Variants in METTL6 observed in about 807,000 individuals in gnomAD.
METTL6 encodes the protein tRNA N(3)-cytidine methyltransferase METTL6.
Under a neutral mutation model 26.4 loss-of-function variants are expected in METTL6, and 22 were observed. That is an observed-to-expected ratio of 0.83 (90% CI 0.59 to 1.19). The LOEUF (loss-of-function observed/expected upper bound fraction) is 1.19. Ranked by LOEUF, METTL6 falls within the 50% of genes most tolerant of loss-of-function variation. The pLI is 0.00. For synonymous variants in METTL6, 109 were observed against 116.2 expected (o/e 0.94, Z 0.40); for missense variants, 304 against 324.8 (o/e 0.94, Z 0.49).
At chr3:15,399,865 T>G (rs1290442521) in intron 6 of METTL6, among the ~76,000 whole-genome samples, 1 of 151,984 alleles carries the variant, frequency 6.6e-6, no homozygotes, top group Non-Finnish European at 1.5e-5. Context: ...CAAAATATAC[T>G]TTGGCATATT....
chr3:15,427,609 C>T (rs957479601), upstream of METTL6: 10 of 633,212 alleles, frequency 1.6e-5, no homozygotes, highest in Non-Finnish European at 2.8e-5. Flanking sequence ...TCTCTCACCC[C>T]CACGCAGAGG....
At chr3:15,420,763 T>G (rs879587420) in intron 3 of METTL6, among the ~76,000 whole-genome samples, 1 of 152,226 alleles carries the variant, frequency 6.6e-6, no homozygotes, top group African/African-American at 2.4e-5. Flanking sequence ...GTACATTTTG[T>G]GTTCAAATTC....
chr3:15,414,895 C>A, intron 4 of METTL6: 1 of 1,037,164 alleles, frequency 9.6e-7, no homozygotes, highest in Non-Finnish European at 1.3e-6. Context: ...GCACTCCAGC[C>A]TGAGTGACAC....
chr3:15,414,948 C>T, intron 4 of METTL6: 1 of 1,132,608 alleles, frequency 8.8e-7, no homozygotes, highest in South Asian at 1.8e-5. Context: ...GTGTTAGAGA[C>T]AATAAATGAA....
At position 15,424,986 on chromosome 3, in the gene METTL6, T is replaced by A. The variant is rs991000419; in HGVS notation, c.329A>T (p.Asp110Val). 14 of 1,613,880 alleles carry A rather than the reference T, an allele frequency of 8.7e-6. No individual in the cohort carries two copies. The highest frequency in any genetic ancestry group is 1.2e-5 in the Non-Finnish European group (14 of 1,179,996). ...EDPNIFAYAC[D>V]FSPRAIEYVK... ...ATATTCAATGGCTCTTGGAGAAAAA[T>A]CACAGGCATAGGCAAAGATATTCGG... Residue 110 changes from aspartate (D) to valine (V), a missense_variant, in exon 3 of 6, where the codon GAT becomes GTT. Physicochemically the swap from Asp to Val is radical, Grantham distance 152. Coordinates refer to ENST00000383790, the MANE Select transcript of METTL6 (RefSeq NM_152396.4).
chr3:15,418,609 C>T (rs1236536560), intron 3 of METTL6, among the ~76,000 whole-genome samples: 6 of 152,066 alleles, frequency 3.9e-5, no homozygotes, highest in Non-Finnish European at 7.4e-5. Context: ...GAAGAGAGAA[C>T]AAGAGCTAAA....
At chr3:15,413,530 C>T (rs749534968) in intron 5 of METTL6, 11 of 692,172 alleles carry the variant, frequency 1.6e-5, no homozygotes, top group Non-Finnish European at 2.1e-5. Context: ...CAAGATCACA[C>T]CACTGCACTC....
At chr3:15,400,760 GAAC>G (rs1021743741) in intron 6 of METTL6, among the ~76,000 whole-genome samples, 5 of 152,158 alleles carry the variant, frequency 3.3e-5, no homozygotes, top group African/African-American at 1.2e-4. Flanking sequence ...AGCTATAATT[GAAC>G]AACCCTGAAA....
chr3:15,425,075 CT>C lies in METTL6; in HGVS notation c.239del (p.Lys80SerfsTer2), dbSNP rs2061687977. 6.2e-7 allele frequency: 1 copy of C among 1,613,976 alleles called. No homozygotes were observed. The highest frequency in any genetic ancestry group is 1.1e-5 in the South Asian group (1 of 91,086). On this transcript the variant is annotated frameshift_variant, in exon 3 of 6. Coordinates refer to ENST00000383790, the MANE Select transcript of METTL6 (RefSeq NM_152396.4). LOFTEE classifies it high-confidence loss of function. ...LRSCREFEDQ[K>X]LTMLEAGCGV... Reference sequence around the variant, plus strand: ...CACAGCCAGCTTCAAGCATTGTTAACTTTTGATCTTCAAACTGGGGAAAGAC... The same window carrying C: ...CACAGCCAGCTTCAAGCATTGTTAACTTTGATCTTCAAACTGGGGAAAGAC...
intron 3 of METTL6, among the ~76,000 whole-genome samples, chr3:15,416,662 G>A (rs993380199): frequency 6.6e-6 from 1 of 152,116 alleles, no homozygotes; most frequent in African/African-American, 2.4e-5. Context: ...TTCTTCTGGG[G>A]TATATTTTCT....
At chr3:15,398,895 G>A (rs978784067) in intron 6 of METTL6, among the ~76,000 whole-genome samples, 1 of 152,100 alleles carries the variant, frequency 6.6e-6, no homozygotes, top group African/African-American at 2.4e-5. Context: ...TTCCCAGGAG[G>A]TTAGGTATTC....
chr3:15,390,511 C>T (rs1325807362), intron 6 of METTL6, among the ~76,000 whole-genome samples: 1 of 152,158 alleles, frequency 6.6e-6, no homozygotes, highest in Non-Finnish European at 1.5e-5. Flanking sequence ...CCTTGACCTC[C>T]TTGCAGTACT....
intron 6 of METTL6, among the ~76,000 whole-genome samples, chr3:15,386,996 C>T (rs1699218411): frequency 6.6e-6 from 1 of 152,018 alleles, no homozygotes; most frequent in African/African-American, 2.4e-5. Flanking sequence ...GTGGTTCTCA[C>T]CATGTTGCCC....
intron 6 of METTL6, among the ~76,000 whole-genome samples, chr3:15,397,823 T>C (rs960964777): frequency 1.3e-5 from 2 of 152,146 alleles, no homozygotes; most frequent in African/African-American, 4.8e-5. Context: ...TCATAAGATA[T>C]GCAACTTCCC....
chr3:15,401,295 T>A (rs1164318801), intron 6 of METTL6, among the ~76,000 whole-genome samples: 1 of 151,932 alleles, frequency 6.6e-6, no homozygotes, highest in Non-Finnish European at 1.5e-5. Context: ...CGCCTCGGCC[T>A]CCCAAAGTGC....
intron 3 of METTL6, among the ~76,000 whole-genome samples, chr3:15,416,830 A>G (rs1700227454): frequency 6.6e-6 from 1 of 152,232 alleles, no homozygotes; most frequent in Admixed American, 6.5e-5. Context: ...AAATAGATAT[A>G]CAAAGTTACT....
intron 1 of METTL6, 64 bp from the exon 2 acceptor site, chr3:15,426,699 A>G: frequency 3.3e-6 from 2 of 610,474 alleles, no homozygotes; most frequent in East Asian, 2.8e-5. Context: ...GGTTCAATTC[A>G]CCAAATGTTT....
At chr3:15,393,690 A>G (rs1239649177) in intron 6 of METTL6, among the ~76,000 whole-genome samples, 1 of 152,152 alleles carries the variant, frequency 6.6e-6, no homozygotes, top group East Asian at 1.9e-4. Context: ...TAATTTATTG[A>G]GAGTTTTTAG....
chr3:15,414,644 C>T (rs942175294), intron 4 of METTL6: 5 of 288,394 alleles, frequency 1.7e-5, no homozygotes, highest in Non-Finnish European at 2.7e-5. Flanking sequence ...TGAGCCACCT[C>T]GCTCGTCCCT....
Sources: allele counts gnomAD v4.1 joint callset (sites outside exome capture counted in the v4.1 genomes callset), GRCh38; gene constraint gnomAD v4.1.1; transcripts MANE v1.5; gene names NCBI Gene and HGNC (gene_info 2026-07-23, HGNC 2026-07-21).